The following FSTL4 variants were observed in gnomAD, a reference collection of about 807,000 sequenced individuals.
FSTL4 encodes follistatin like 4.
FSTL4 carries 28 observed loss-of-function variants against 78.2 expected under a neutral mutation model. That is an observed-to-expected ratio of 0.36 (90% CI 0.27 to 0.49). FSTL4 has a LOEUF of 0.49. Among genes scored for constraint, FSTL4 ranks in the 20% least tolerant of loss-of-function variants. FSTL4 has a pLI of 0.98. For missense variants in FSTL4, 922 were observed against 1,084.9 expected, an observed-to-expected ratio of 0.85 and a Z score of 2.11; for synonymous variants, 422 against 440.5, an observed-to-expected ratio of 0.96 and a Z score of 0.53.
intron 4 of FSTL4, among the ~76,000 whole-genome samples, chr5:133,357,649 C>T (rs1754969599): frequency 6.6e-6 from 1 of 152,180 alleles, no homozygotes; most frequent in Non-Finnish European, 1.5e-5. Context: ...ACCTACAGGG[C>T]CCTTTCATTG....
the FSTL4 span, among the ~76,000 whole-genome samples, chr5:133,745,515 A>G: frequency 6.6e-6 from 1 of 152,248 alleles, no homozygotes; most frequent in African/African-American, 2.4e-5. Flanking sequence ...CAGAGACCCA[A>G]ATAGACACAA....
chr5:133,780,232 G>A, the FSTL4 span, among the ~76,000 whole-genome samples: 1 of 152,142 alleles, frequency 6.6e-6, no homozygotes, highest in Non-Finnish European at 1.5e-5. Context: ...TGGGCACTGG[G>A]AGGAGGGGTG....
chr5:133,526,685 G>C (rs1399749093), intron 3 of FSTL4, among the ~76,000 whole-genome samples: 1 of 152,146 alleles, frequency 6.6e-6, no homozygotes, highest in Non-Finnish European at 1.5e-5. Context: ...ATGCAGGCAG[G>C]GTCAGGGAGG....
intron 4 of FSTL4, among the ~76,000 whole-genome samples, chr5:133,399,372 T>C (rs182258810): frequency 6.6e-6 from 1 of 152,306 alleles, no homozygotes; most frequent in Non-Finnish European, 1.5e-5. Flanking sequence ...ACCTTGGCAT[T>C]AGCATCATAA....
intron 14 of FSTL4, among the ~76,000 whole-genome samples, chr5:133,208,961 G>A (rs1226244076): frequency 1.3e-5 from 2 of 152,316 alleles, no homozygotes; most frequent in African/African-American, 4.8e-5. Flanking sequence ...GTGAGCCACT[G>A]TGCCTGTTCA....
chr5:133,829,621 G>T, the FSTL4 span, among the ~76,000 whole-genome samples: 1 of 152,112 alleles, frequency 6.6e-6, no homozygotes, highest in Non-Finnish European at 1.5e-5. Context: ...GGAGAGAAAG[G>T]GTTCATGGTT....
chr5:133,202,126 A>T, intron 14 of FSTL4, 84 bp from the exon 15 acceptor site: 2 of 813,516 alleles, frequency 2.5e-6, no homozygotes, highest in South Asian at 2.0e-5. Flanking sequence ...AGGTGGAGTC[A>T]CCCCGGCAGA....
chr5:133,476,776 C>T (rs564451981), intron 3 of FSTL4, among the ~76,000 whole-genome samples: 1 of 152,314 alleles, frequency 6.6e-6, no homozygotes, highest in South Asian at 2.1e-4. Flanking sequence ...CAGAGCTTGT[C>T]CTTTCTCTGT....
At position 133,225,535 on chromosome 5, in the gene FSTL4, C is replaced by T. The variant is rs543793191; in HGVS notation, c.1177+123G>A. The T allele has an allele frequency of 2.9e-4, 280 of 959,666 alleles. No individual in the cohort carries two copies. The Middle Eastern group carries it at 3.2e-3, about 11-fold the overall frequency. The allele number at this position is 959,666 out of a possible 1,614,324, so 59.4% of individuals were successfully genotyped here. A position where few individuals can be genotyped will look rare whatever the true frequency, so the allele number is the denominator to read the frequency against. ...CCCAGATAACAGGGAAATTTGGGAG[C>T]CATCTGTTCACTCCTAACCTGTCTG... is the stretch of plus-strand genomic sequence containing the variant. On this transcript the variant is annotated intron_variant, in intron 9 of 15. Transcript: ENST00000265342. The surrounding 1 kb of genome is among the most constrained non-coding windows in gnomAD (Gnocchi z 4.6).
intron 4 of FSTL4, among the ~76,000 whole-genome samples, chr5:133,362,340 T>C (rs1755090456): frequency 6.6e-6 from 1 of 152,230 alleles, no homozygotes; most frequent in African/African-American, 2.4e-5. Flanking sequence ...GATTACATTG[T>C]CTATAATTTT....
chr5:133,375,348 T>C (rs1755409823), intron 4 of FSTL4, among the ~76,000 whole-genome samples: 1 of 113,862 alleles, frequency 8.8e-6, no homozygotes, highest in Non-Finnish European at 1.9e-5. Flanking sequence ...ATATTATCCC[T>C]GGTTCTCTCT....
chr5:133,351,445 A>T (rs6889114), intron 4 of FSTL4, among the ~76,000 whole-genome samples: 5,101 of 152,180 alleles, frequency 0.034, 173 homozygotes, highest in African/African-American at 0.095. Context: ...TTCACCTTCT[A>T]TAACTCCTAT....
chr5:133,647,934 T>C, the FSTL4 span, among the ~76,000 whole-genome samples: 1 of 152,236 alleles, frequency 6.6e-6, no homozygotes, highest in South Asian at 2.1e-4. Context: ...TGCAGGTCTT[T>C]CCCGTGCTGT....
chr5:133,337,307 C>T (rs1389189374), intron 4 of FSTL4, among the ~76,000 whole-genome samples: 3 of 152,232 alleles, frequency 2.0e-5, no homozygotes, highest in African/African-American at 7.2e-5. Flanking sequence ...GTACATTTTC[C>T]AACTAGGAAG....
intron 4 of FSTL4, among the ~76,000 whole-genome samples, chr5:133,374,033 C>T (rs1192142589): frequency 6.6e-6 from 1 of 152,138 alleles, no homozygotes; most frequent in African/African-American, 2.4e-5. Context: ...AAATGAAGTC[C>T]CTTGGGCAGG....
At chr5:133,282,902 T>C (rs1312777520) in intron 6 of FSTL4, among the ~76,000 whole-genome samples, 1 of 152,216 alleles carries the variant, frequency 6.6e-6, no homozygotes, top group Non-Finnish European at 1.5e-5. Flanking sequence ...TCTAAACAAA[T>C]ACTACAGTCT....
At chr5:133,220,004 G>A (rs1323466204) in intron 12 of FSTL4, among the ~76,000 whole-genome samples, 3 of 152,254 alleles carry the variant, frequency 2.0e-5, no homozygotes, top group African/African-American at 7.2e-5. Flanking sequence ...AAATGGAACA[G>A]CCTGAGATAT....
At chr5:133,631,148 G>A in the FSTL4 span, among the ~76,000 whole-genome samples, 1 of 152,168 alleles carries the variant, frequency 6.6e-6, no homozygotes, top group African/African-American at 2.4e-5. Flanking sequence ...ATTGGCAAAT[G>A]GGGTCTAATT....
intron 3 of FSTL4, among the ~76,000 whole-genome samples, chr5:133,519,180 T>A (rs1276242447): frequency 6.6e-6 from 1 of 152,232 alleles, no homozygotes; most frequent in African/African-American, 2.4e-5. Flanking sequence ...CCTTATAATC[T>A]AACATTGCTC....
Sources: allele counts gnomAD v4.1 joint callset (sites outside exome capture counted in the v4.1 genomes callset), GRCh38; gene constraint gnomAD v4.1.1; non-coding constraint Gnocchi (gnomAD v3.1); transcripts MANE v1.5; gene names NCBI Gene and HGNC (gene_info 2026-07-23, HGNC 2026-07-21).